C1orf87: variants seen among roughly 807,000 people sequenced by gnomAD.
C1orf87 encodes chromosome 1 open reading frame 87.
Under a neutral mutation model 60.5 loss-of-function variants are expected in C1orf87, and 58 were observed. The observed-to-expected ratio is 0.96, with a 90% CI of 0.78 to 1.19. The LOEUF (loss-of-function observed/expected upper bound fraction) is 1.19. Ranked by LOEUF, C1orf87 falls within the 50% of genes most tolerant of loss-of-function variation. The pLI, the probability that C1orf87 is intolerant of heterozygous loss-of-function variation, is 0.00. For missense variants in C1orf87, 673 were observed against 638.6 expected (o/e 1.05, Z -0.58); for synonymous variants, 236 against 227.4 (o/e 1.04, Z -0.34).
chr1:60,035,893 G>A lies in C1orf87; in HGVS notation c.863+2099C>T, dbSNP rs189631359. ...GAAAATGCCATAACCGCTATGAAGG[G>A]GAAGGACTATGGAACTAACAACACA... is the stretch of plus-strand genomic sequence containing the variant. On this transcript the variant is annotated intron_variant, in intron 6 of 11. Transcript: ENST00000371201. 2.6e-5 allele frequency among the ~76,000 whole-genome samples: 4 copies of A among 152,258 alleles called. No homozygotes were observed. In the East Asian group the frequency reaches 7.7e-4, roughly 29 times the overall value.
chr1:60,054,166 C>T (rs544404293), intron 3 of C1orf87, among the ~76,000 whole-genome samples: 4 of 152,146 alleles, frequency 2.6e-5, no homozygotes, highest in Non-Finnish European at 5.9e-5. Flanking sequence ...GGCCTAAATT[C>T]AAGGATTCAG....
intron 9 of C1orf87, among the ~76,000 whole-genome samples, chr1:60,004,590 T>C (rs1645029572): frequency 6.6e-6 from 1 of 152,092 alleles, no homozygotes; most frequent in Non-Finnish European, 1.5e-5. Flanking sequence ...TCTTTTAAGC[T>C]TCCCTTTCTC....
intron 2 of C1orf87, among the ~76,000 whole-genome samples, chr1:60,056,547 T>A (rs1645458045): frequency 6.6e-6 from 1 of 152,200 alleles, no homozygotes; most frequent in South Asian, 2.1e-4. Context: ...CAAGTAAATG[T>A]CCACTTATAA....
At chr1:60,010,588 C>A in intron 8 of C1orf87, 132 bp from the exon 9 acceptor site, 1 of 743,708 alleles carries the variant, frequency 1.3e-6, no homozygotes. Context: ...AGGTCCAATG[C>A]AGGAAACAGA....
intron 11 of C1orf87, among the ~76,000 whole-genome samples, chr1:59,991,815 G>A (rs1185317804): frequency 6.6e-6 from 1 of 152,180 alleles, no homozygotes; most frequent in African/African-American, 2.4e-5. Context: ...TTTGATGGCT[G>A]TTGGGAGGAG....
intron 6 of C1orf87, 51 bp from the exon 7 acceptor site, chr1:60,033,692 C>G: frequency 6.4e-7 from 1 of 1,561,390 alleles, no homozygotes. Context: ...CCACCCAAGG[C>G]AGCTGCATGC....
At chr1:60,025,608 T>G in intron 7 of C1orf87, 110 bp from the exon 8 acceptor site, 1 of 850,268 alleles carries the variant, frequency 1.2e-6, no homozygotes, top group Non-Finnish European at 1.7e-6. Context: ...GCTATATTAT[T>G]TTGACAAAGA....
At chr1:59,992,051 T>C (rs1296085516) in intron 11 of C1orf87, among the ~76,000 whole-genome samples, 1 of 151,998 alleles carries the variant, frequency 6.6e-6, no homozygotes, top group Non-Finnish European at 1.5e-5. Flanking sequence ...ATTTACTATG[T>C]TCCAGGAACT....
At chr1:59,999,730 T>A (rs1644988288) in intron 10 of C1orf87, among the ~76,000 whole-genome samples, 1 of 152,164 alleles carries the variant, frequency 6.6e-6, no homozygotes, top group Non-Finnish European at 1.5e-5. Context: ...ATTGCTTATC[T>A]ACCCAGCTAA....
chr1:60,024,301 T>C (rs557039481), intron 8 of C1orf87, among the ~76,000 whole-genome samples: 1 of 152,292 alleles, frequency 6.6e-6, no homozygotes, highest in South Asian at 2.1e-4. Context: ...TCAAGCCTTG[T>C]TAGAGTTTTA....
intron 5 of C1orf87, among the ~76,000 whole-genome samples, chr1:60,039,424 A>G (rs1310585708): frequency 1.3e-5 from 2 of 152,186 alleles, no homozygotes; most frequent in Non-Finnish European, 2.9e-5. Context: ...GTGTCTTAGC[A>G]TGGTGTCTGC....
chr1:60,035,963 G>A (rs1645273047), intron 6 of C1orf87, among the ~76,000 whole-genome samples: 1 of 152,168 alleles, frequency 6.6e-6, no homozygotes, highest in Non-Finnish European at 1.5e-5. Flanking sequence ...TTCTGTCTAG[G>A]ACTCATAAGA....
At chr1:60,011,519 C>G (rs1031212567) in intron 8 of C1orf87, among the ~76,000 whole-genome samples, 2 of 151,878 alleles carry the variant, frequency 1.3e-5, no homozygotes, top group African/African-American at 4.8e-5. Context: ...TATTTTTCTC[C>G]AATTTTGTGT....
At chr1:60,047,107 C>T (rs1423420557) in intron 3 of C1orf87, among the ~76,000 whole-genome samples, 1 of 152,108 alleles carries the variant, frequency 6.6e-6, no homozygotes, top group Non-Finnish European at 1.5e-5. Flanking sequence ...CTTATCCCAC[C>T]ATTCTTCATT....
At chr1:59,994,596 A>G (rs1430194549) in intron 11 of C1orf87, among the ~76,000 whole-genome samples, 1 of 152,200 alleles carries the variant, frequency 6.6e-6, no homozygotes, top group Non-Finnish European at 1.5e-5. Context: ...TTCCAAATGC[A>G]ACATTCACCC....
At chr1:60,058,833 A>C (rs1216598398) in intron 2 of C1orf87, among the ~76,000 whole-genome samples, 1 of 152,220 alleles carries the variant, frequency 6.6e-6, no homozygotes, top group Non-Finnish European at 1.5e-5. Context: ...GTACAGGAGC[A>C]GGTAACCAAA....
intron 2 of C1orf87, among the ~76,000 whole-genome samples, chr1:60,063,790 A>G (rs1645513176): frequency 6.6e-6 from 1 of 152,182 alleles, no homozygotes; most frequent in South Asian, 2.1e-4. Context: ...AGCAGCAGGT[A>G]TATGGGTTCC....
intron 2 of C1orf87, among the ~76,000 whole-genome samples, chr1:60,056,991 AT>A (rs1276535506): frequency 9.2e-5 from 14 of 152,206 alleles, no homozygotes; most frequent in African/African-American, 3.4e-4. Flanking sequence ...ATATATGTAT[AT>A]TTTTATAGTC....
intron 8 of C1orf87, among the ~76,000 whole-genome samples, chr1:60,013,123 C>A (rs1645100587): frequency 6.6e-6 from 1 of 151,970 alleles, no homozygotes; most frequent in Non-Finnish European, 1.5e-5. Flanking sequence ...TACATTTTTT[C>A]TTAATTTAGC....
Sources: gnomAD v4.1 joint callset for allele counts (sites outside exome capture counted in the v4.1 genomes callset) on GRCh38, gnomAD v4.1.1 for gene constraint, MANE v1.5 for transcripts, NCBI Gene and HGNC (gene_info 2026-07-23, HGNC 2026-07-21) for gene names.